Variants in PRKN observed in about 807,000 individuals in gnomAD.
PRKN encodes the protein parkin RBR E3 ubiquitin protein ligase.
Under a neutral mutation model 59.5 loss-of-function variants are expected in PRKN, and 56 were observed. The observed-to-expected ratio is 0.94, with a 90% confidence interval of 0.76 to 1.18. The LOEUF is 1.18. PRKN is among the 50% of genes most tolerant of loss of function. PRKN has a pLI of 0.00. For missense variants in PRKN, 657 were observed against 596.4 expected, an observed-to-expected ratio of 1.10 and a Z score of -1.06; for synonymous variants, 250 against 222.1, an observed-to-expected ratio of 1.13 and a Z score of -1.12.
At chr6:162,167,333 C>T (rs551767496) in intron 4 of PRKN, among the ~76,000 whole-genome samples, 7 of 152,258 alleles carry the variant, frequency 4.6e-5, no homozygotes, top group Non-Finnish European at 4.4e-5. Context: ...ATTGGAGTCT[C>T]GGCCCTGACG....
At chr6:161,698,907 A>T (rs1022334833) in intron 7 of PRKN, among the ~76,000 whole-genome samples, 37 of 152,172 alleles carry the variant, frequency 2.4e-4, no homozygotes, top group Non-Finnish European at 2.1e-4. Context: ...GACTTCATCA[A>T]AGTGAAAAGA....
Position 161,588,871 on chromosome 6 carries a change from T to C in PRKN, c.872-19455A>G, listed in dbSNP as rs1318684557. On this transcript the variant is annotated intron_variant, in intron 7 of 11. Transcript: ENST00000366898. This position sits in a 1 kb window ranked among gnomAD's most constrained non-coding sequence, Gnocchi z 5.0. ...ACACCCAGTTAAATTTGAGTTTCAG[T>C]AAAGTACCAAGTCCTTTTTTTTTAG... Among the ~76,000 whole-genome samples the C allele has an allele frequency of 1.3e-5, 2 of 152,214 alleles. No individual in the cohort carries two copies. Among genetic ancestry groups the C allele is most frequent in the Admixed American group, 6.5e-5 (1 of 15,286 alleles).
intron 9 of PRKN, among the ~76,000 whole-genome samples, chr6:161,517,462 C>G (rs571496): frequency 6.6e-6 from 1 of 151,804 alleles, no homozygotes; most frequent in Non-Finnish European, 1.5e-5. Flanking sequence ...GGTGCTAGGC[C>G]GGGCGTGGTG....
chr6:162,085,049 C>T lies in PRKN; in HGVS notation c.535-30875G>A, dbSNP rs144964388. Among the ~76,000 whole-genome samples, 376 of 126,260 alleles carry T rather than the reference C, an allele frequency of 3.0e-3. 6 individuals are homozygous for T. The highest frequency in any genetic ancestry group is 0.012 in the African/African-American group (359 of 29,202). 82.8% of individuals were successfully genotyped at this position (126,260 alleles called of 152,430 possible). On this transcript the variant is annotated intron_variant, in intron 4 of 11. Coordinates refer to ENST00000366898, the MANE Select transcript of PRKN (RefSeq NM_004562.3). ...TACAGACTAGTTGATCAGTGTCCTACCACAAACACACACACAAAGAGAGAG... is the reference window on the plus strand; with the variant it reads ...TACAGACTAGTTGATCAGTGTCCTATCACAAACACACACACAAAGAGAGAG...
intron 3 of PRKN, among the ~76,000 whole-genome samples, chr6:162,252,845 G>C (rs1000777744): frequency 6.6e-6 from 1 of 152,366 alleles, no homozygotes; most frequent in Admixed American, 6.5e-5. Flanking sequence ...GGATGAGAAT[G>C]AACTATATTT....
intron 1 of PRKN, among the ~76,000 whole-genome samples, chr6:162,576,012 A>G (rs1008943896): frequency 8.5e-5 from 13 of 152,214 alleles, no homozygotes; most frequent in African/African-American, 3.1e-4. Context: ...TCTTGGTTCT[A>G]TTGGTTTATA....
At chr6:162,573,594 C>T (rs1780440249) in intron 1 of PRKN, among the ~76,000 whole-genome samples, 1 of 152,102 alleles carries the variant, frequency 6.6e-6, no homozygotes, top group African/African-American at 2.4e-5. Context: ...GTCATATATG[C>T]TTTTGCTAGT....
intron 1 of PRKN, among the ~76,000 whole-genome samples, chr6:162,658,618 G>T: frequency 7.2e-6 from 1 of 138,130 alleles, no homozygotes; most frequent in South Asian, 2.2e-4. Context: ...CCGAGACAGT[G>T]CCATTGCACT....
At chr6:162,640,039 T>C (rs914980640) in intron 1 of PRKN, among the ~76,000 whole-genome samples, 4 of 152,108 alleles carry the variant, frequency 2.6e-5, no homozygotes, top group Admixed American at 2.0e-4. Context: ...TAAATCTGGG[T>C]GAATTCTTCT....
At chr6:162,697,615 T>G (rs140424220) in intron 1 of PRKN, among the ~76,000 whole-genome samples, 9 of 152,316 alleles carry the variant, frequency 5.9e-5, no homozygotes, top group Non-Finnish European at 1.0e-4. Context: ...GCCTTCTATA[T>G]ATGCTATGGC....
At chr6:161,689,287 C>T (rs552781093) in intron 7 of PRKN, among the ~76,000 whole-genome samples, 1 of 151,708 alleles carries the variant, frequency 6.6e-6, no homozygotes, top group Admixed American at 6.6e-5. Context: ...TTATTGTTTT[C>T]ATATCAGGTT....
At chr6:161,364,262 C>G (rs575297262) in intron 10 of PRKN, among the ~76,000 whole-genome samples, 1 of 149,726 alleles carries the variant, frequency 6.7e-6, no homozygotes, top group Admixed American at 6.7e-5. Context: ...AGTTTGAGAC[C>G]GTCCTGACCA....
rs999187688 is a variant in PRKN at position 162,592,125 on chromosome 6, G to A, written c.7+135537C>T. Among the ~76,000 whole-genome samples, 6 of 151,960 alleles carry A rather than the reference G, an allele frequency of 3.9e-5. 1 individual carries two copies. The highest frequency in any genetic ancestry group is 5.9e-5 in the Non-Finnish European group (4 of 67,982). On this transcript the variant is annotated intron_variant, in intron 1 of 11. Coordinates refer to ENST00000366898, the MANE Select transcript of PRKN (RefSeq NM_004562.3). The stretch of plus-strand genomic sequence containing the variant: ...AGAGATTCTCCTGCCTTGGCCTCCC[G>A]AATAGCTGGGATTACAGACACTCAT...
intron 4 of PRKN, among the ~76,000 whole-genome samples, chr6:162,114,133 T>C (rs1191741455): frequency 1.1e-4 from 17 of 152,146 alleles, no homozygotes; most frequent in African/African-American, 3.9e-4. Context: ...TAGTATAGTT[T>C]GAAGTCAGGT....
intron 1 of PRKN, among the ~76,000 whole-genome samples, chr6:162,511,783 G>C (rs1044993842): frequency 2.6e-5 from 4 of 152,092 alleles, no homozygotes; most frequent in African/African-American, 9.7e-5. Context: ...CATGATACGT[G>C]ATCTACAGCT....
chr6:162,634,613 G>A (rs1777639098), intron 1 of PRKN, among the ~76,000 whole-genome samples: 2 of 152,172 alleles, frequency 1.3e-5, no homozygotes, highest in Non-Finnish European at 2.9e-5. Context: ...AAGAGTGATG[G>A]ACATTTGCTG....
chr6:162,338,764 G>T (rs1219713071), intron 2 of PRKN, among the ~76,000 whole-genome samples: 1 of 151,368 alleles, frequency 6.6e-6, no homozygotes, highest in Non-Finnish European at 1.5e-5. Context: ...TCTGGAAAGT[G>T]AGGAGCGTCT....
intron 2 of PRKN, among the ~76,000 whole-genome samples, chr6:162,347,590 A>C (rs1198667926): frequency 6.6e-6 from 1 of 152,068 alleles, no homozygotes; most frequent in Admixed American, 6.6e-5. Context: ...TTTGTGATGA[A>C]TATCACATTT....
intron 5 of PRKN, among the ~76,000 whole-genome samples, chr6:162,010,798 A>AAT (rs1466043314): frequency 1.1e-4 from 1 of 9,330 alleles, no homozygotes; most frequent in Non-Finnish European, 1.4e-4. Context: ...TATATTATAT[A>AAT]ATATATATTA....
Sources: allele counts gnomAD v4.1 joint callset (sites outside exome capture counted in the v4.1 genomes callset), GRCh38; gene constraint gnomAD v4.1.1; non-coding constraint Gnocchi (gnomAD v3.1); transcripts MANE v1.5; gene names NCBI Gene and HGNC (gene_info 2026-07-23, HGNC 2026-07-21).